Variants in SLC9A7 observed in about 807,000 individuals in gnomAD.
The protein encoded by SLC9A7 is solute carrier family 9 member A7.
In SLC9A7, 19 loss-of-function variants were observed where a neutral mutation model predicts 52.6. That is an observed-to-expected ratio of 0.36 (90% CI 0.25 to 0.53). SLC9A7 has a LOEUF of 0.53. Ranked by LOEUF, SLC9A7 falls within the 20% of genes least tolerant of loss-of-function variation. The pLI is 0.91. For synonymous variants in SLC9A7, 226 were observed against 252.1 expected (o/e 0.90, Z 0.98); for missense variants, 455 against 597.9 (o/e 0.76, Z 2.49).
At chrX:46,658,015 AAACT>A (rs1407518965) in intron 7 of SLC9A7, among the ~76,000 whole-genome samples, 5 of 110,185 alleles carry the variant, frequency 4.5e-5, no homozygotes, top group African/African-American at 1.6e-4. Context: ...AAATTATAAC[AAACT>A]ATCTCTCAGA....
At chrX:46,688,702 T>C (rs1010077303) in intron 1 of SLC9A7, among the ~76,000 whole-genome samples, 61 of 111,267 alleles carry the variant, frequency 5.5e-4, no homozygotes, top group Middle Eastern at 4.6e-3. Flanking sequence ...AGGTATCTCA[T>C]TGTAGTTTTA....
chrX:46,739,284 A>G (rs1348271282), intron 1 of SLC9A7, among the ~76,000 whole-genome samples: 2 of 111,452 alleles, frequency 1.8e-5, no homozygotes, highest in African/African-American at 6.5e-5. Context: ...CTGACCACAC[A>G]GTTTTTTTCC....
chrX:46,745,801 C>T (rs1921715852), intron 1 of SLC9A7, among the ~76,000 whole-genome samples: 1 of 107,250 alleles, frequency 9.3e-6, no homozygotes, highest in Non-Finnish European at 1.9e-5. Context: ...GCTGCAATTA[C>T]ACCACTGCAC....
chrX:46,741,564 GAAC>G (rs1921353580), intron 1 of SLC9A7, among the ~76,000 whole-genome samples: 1 of 110,972 alleles, frequency 9.0e-6, no homozygotes, highest in Admixed American at 9.6e-5. Context: ...TGGAACAAAA[GAAC>G]ATCAAAAATA....
chrX:46,759,106 G>A lies in SLC9A7; in HGVS notation c.-77C>T. The A allele has an allele frequency of 1.5e-6, 1 of 683,950 alleles. No homozygotes were observed. Among genetic ancestry groups the A allele is most frequent in the Non-Finnish European group, 1.8e-6 (1 of 540,969 alleles). The allele number at this position is 683,950 out of a possible 1,213,427, so 56.4% of individuals were successfully genotyped here. A position where few individuals can be genotyped will look rare whatever the true frequency, so the allele number is the denominator to read the frequency against. On this transcript the variant is annotated 5_prime_UTR_variant, in exon 1 of 17. Transcript: ENST00000616978. ...GTCGGCGGGTTCTGGCAGCACCGCGGACCTGCCGGAGTGGCCGTGGCCGCT... is the reference window on the plus strand; with the variant it reads ...GTCGGCGGGTTCTGGCAGCACCGCGAACCTGCCGGAGTGGCCGTGGCCGCT...
At chrX:46,653,146 G>C (rs1204421837) in intron 8 of SLC9A7, among the ~76,000 whole-genome samples, 1 of 112,051 alleles carries the variant, frequency 8.9e-6, no homozygotes, top group Admixed American at 9.4e-5. Context: ...TGTAATCCCA[G>C]TGCTTTGAGA....
intron 7 of SLC9A7, among the ~76,000 whole-genome samples, chrX:46,658,619 C>G (rs1230479256): frequency 2.7e-5 from 3 of 110,751 alleles, no homozygotes; most frequent in East Asian, 2.8e-4. Flanking sequence ...ACTAGAAAAT[C>G]TAGAAGAAAT....
intron 1 of SLC9A7, among the ~76,000 whole-genome samples, chrX:46,740,748 A>C (rs1010038300): frequency 9.0e-6 from 1 of 111,207 alleles, no homozygotes; most frequent in Non-Finnish European, 1.9e-5. Flanking sequence ...AGGGATGTCC[A>C]CTATGGCCCT....
In SLC9A7 at chrX:46,606,573, T is replaced by C; in HGVS notation, c.*379A>G. ...ATTCTATGGTCAGCTTGACTTGCAC[T>C]GCTGTGTACTGAGATGCAGCCTCTC... On this transcript the variant is annotated 3_prime_UTR_variant, in exon 17 of 17. Transcript: ENST00000616978. The C allele has an allele frequency of 1.2e-6, 1 of 812,052 alleles. No homozygotes were observed. Among genetic ancestry groups the C allele is most frequent in the Non-Finnish European group, 1.5e-6 (1 of 676,142 alleles). The allele number at this position is 812,052 out of a possible 1,213,427, so 66.9% of individuals were successfully genotyped here.
chrX:46,723,324 AAG>A (rs1944893004), intron 1 of SLC9A7, among the ~76,000 whole-genome samples: 1 of 108,558 alleles, frequency 9.2e-6, no homozygotes, highest in African/African-American at 3.3e-5. Flanking sequence ...AAAAGAAAGA[AAG>A]AAAGAAAAAA....
At chrX:46,743,734 C>T (rs1921537159) in intron 1 of SLC9A7, among the ~76,000 whole-genome samples, 1 of 111,348 alleles carries the variant, frequency 9.0e-6, no homozygotes, top group Admixed American at 9.6e-5. Context: ...GTTAGATGCC[C>T]CAAAGTTCCC....
chrX:46,660,513 C>G (rs1262366482), intron 7 of SLC9A7, among the ~76,000 whole-genome samples: 2 of 109,823 alleles, frequency 1.8e-5, no homozygotes, highest in African/African-American at 6.7e-5. Context: ...TGAACTCAAA[C>G]AAATTTACAA....
intron 1 of SLC9A7, among the ~76,000 whole-genome samples, chrX:46,698,781 G>A (rs1028564188): frequency 4.5e-5 from 5 of 111,688 alleles, no homozygotes; most frequent in Non-Finnish European, 7.5e-5. Flanking sequence ...AGGGATTTGC[G>A]TACATTTTTT....
Position 46,645,671 on chromosome X carries a change from A to T in SLC9A7, c.1463-2282T>A, listed in dbSNP as rs965090249. Among the ~76,000 whole-genome samples the T allele has an allele frequency of 2.8e-5, 3 of 106,973 alleles. No homozygotes were observed. The Admixed American group carries it at 3.0e-4, about 11-fold the overall frequency. 92.9% of individuals were successfully genotyped at this position (106,973 alleles called of 115,157 possible). On this transcript the variant is annotated intron_variant, in intron 11 of 16. Coordinates refer to ENST00000616978, the MANE Select transcript of SLC9A7 (RefSeq NM_001257291.2). ...TTCCTTTCTTATACTGATTTGGAAA[A>T]AAGATTTAGTACAGTTATGCTCAAA...
At chrX:46,731,587 G>T (rs1945041708) in intron 1 of SLC9A7, among the ~76,000 whole-genome samples, 1 of 108,846 alleles carries the variant, frequency 9.2e-6, no homozygotes, top group African/African-American at 3.3e-5. Context: ...GGATGACAGA[G>T]ACCATGTCTC....
chrX:46,615,555 C>T (rs1351963679), intron 15 of SLC9A7, among the ~76,000 whole-genome samples: 2 of 110,031 alleles, frequency 1.8e-5, no homozygotes, highest in African/African-American at 6.6e-5. Context: ...CTTTTCAGTT[C>T]TCCACCTCAG....
chrX:46,620,449 A>G (rs1156739632), intron 15 of SLC9A7, among the ~76,000 whole-genome samples: 3 of 110,487 alleles, frequency 2.7e-5, no homozygotes, highest in Non-Finnish European at 5.7e-5. Flanking sequence ...CAAACAAAAC[A>G]AACAAAAAAA....
At chrX:46,620,387 C>T (rs1943025734) in intron 15 of SLC9A7, among the ~76,000 whole-genome samples, 2 of 111,480 alleles carry the variant, frequency 1.8e-5, no homozygotes, top group Non-Finnish European at 3.8e-5. Flanking sequence ...CCACCACACT[C>T]CAGCCTGGGC....
chrX:46,735,374 A>T (rs772738955), intron 1 of SLC9A7, among the ~76,000 whole-genome samples: 1 of 111,831 alleles, frequency 8.9e-6, no homozygotes, highest in Admixed American at 9.5e-5. Context: ...TAGCCACTTC[A>T]CAAGGAGCAT....
Sources: allele counts gnomAD v4.1 joint callset (sites outside exome capture counted in the v4.1 genomes callset), GRCh38; gene constraint gnomAD v4.1.1; transcripts MANE v1.5; gene names NCBI Gene and HGNC (gene_info 2026-07-23, HGNC 2026-07-21).